The following MS4A4A variants were observed in gnomAD, a reference collection of about 807,000 sequenced individuals.
MS4A4A encodes membrane-spanning 4-domains subfamily A member 4A.
MS4A4A carries 26 observed loss-of-function variants against 28.0 expected under a neutral mutation model. The ratio of observed to expected loss-of-function variants is 0.93; its 90% CI spans 0.68 to 1.29. MS4A4A has a LOEUF of 1.29. MS4A4A is among the 50% of genes most tolerant of loss of function. The pLI is 0.00. For synonymous variants in MS4A4A, 86 were observed against 100.8 expected (o/e 0.85, Z 0.88); for missense variants, 290 against 293.1 (o/e 0.99, Z 0.08).
Position 60,301,022 on chromosome 11 carries a change from T to C in MS4A4A, c.352T>C (p.Ser118Pro), listed in dbSNP as rs774331114. ...SVMFIISGSL[S>P]IAAGIRTTKG... is the part of the protein sequence containing the mutation. ...TTAGTTTATTATTTCAGGATCCTTGTCAATTGCAGCAGGAATTAGAACTAC... is the reference window on the plus strand; with the variant it reads ...TTAGTTTATTATTTCAGGATCCTTGCCAATTGCAGCAGGAATTAGAACTAC... The change falls in exon 4 of 7, where the codon TCA becomes CCA. Residue 118 changes from serine to proline, a missense_variant. Coordinates refer to ENST00000337908, the MANE Select transcript of MS4A4A (RefSeq NM_148975.3). The C allele has an allele frequency of 6.9e-6, 11 of 1,604,018 alleles. No individual in the cohort carries two copies. The highest frequency in any genetic ancestry group is 1.1e-5 in the South Asian group (1 of 88,768).
intron 3 of MS4A4A, among the ~76,000 whole-genome samples, chr11:60,300,740 T>C (rs1213593106): frequency 1.3e-5 from 2 of 152,046 alleles, no homozygotes; most frequent in Non-Finnish European, 2.9e-5. Context: ...GTTTGGAAAC[T>C]ATCTTTTAGT....
chr11:60,294,741 G>A (rs1397528778), intron 2 of MS4A4A, among the ~76,000 whole-genome samples: 4 of 151,740 alleles, frequency 2.6e-5, no homozygotes. Flanking sequence ...CATTACCAAA[G>A]ATCACTTGAC....
chr11:60,303,038 C>G (rs2084966945), intron 5 of MS4A4A, among the ~76,000 whole-genome samples: 1 of 152,024 alleles, frequency 6.6e-6, no homozygotes, highest in African/African-American at 2.4e-5. Flanking sequence ...ACTGTTATCC[C>G]CTCTAAAAAT....
Position 60,292,346 on chromosome 11 carries a change from C to A in MS4A4A, c.163C>A (p.Gln55Lys). The part of the protein sequence containing the change: ...VIHSHLWKGL[Q>K]EKFLKGEPKV... ...ACATTCACATCTGTGGAAAGGATTG[C>A]AAGAGAAGTTCTTGAAGGGAGAACC... Residue 55 changes from glutamine to lysine, a missense_variant, in exon 2 of 7, where the codon CAA becomes AAA. Coordinates refer to ENST00000337908, the MANE Select transcript of MS4A4A (RefSeq NM_148975.3). The A allele has an allele frequency of 6.2e-7, 1 of 1,606,418 alleles. No homozygotes were observed. Among genetic ancestry groups the A allele is most frequent in the Non-Finnish European group, 8.5e-7 (1 of 1,177,018 alleles).
intron 2 of MS4A4A, among the ~76,000 whole-genome samples, chr11:60,295,854 C>T (rs1247327478): frequency 6.6e-6 from 1 of 151,994 alleles, no homozygotes; most frequent in Non-Finnish European, 1.5e-5. Flanking sequence ...GGTCATGGTA[C>T]ACAATTTTTT....
At chr11:60,297,863 C>A (rs146207710) in intron 3 of MS4A4A, among the ~76,000 whole-genome samples, 32 of 152,212 alleles carry the variant, frequency 2.1e-4, no homozygotes, top group Non-Finnish European at 4.3e-4. Context: ...TCATGAGAAA[C>A]TGAACAAAAT....
chr11:60,291,795 T>G (rs1590753904), intron 1 of MS4A4A, among the ~76,000 whole-genome samples: 1 of 38,408 alleles, frequency 2.6e-5, no homozygotes, highest in African/African-American at 9.6e-5. Flanking sequence ...AGACTCCATC[T>G]CAAAAAAAAA....
intron 2 of MS4A4A, among the ~76,000 whole-genome samples, chr11:60,294,249 A>G (rs1373099070): frequency 1.3e-5 from 2 of 152,096 alleles, no homozygotes; most frequent in Admixed American, 1.3e-4. Context: ...TACCATCTCT[A>G]TATCTTCTTT....
intron 1 of MS4A4A, among the ~76,000 whole-genome samples, chr11:60,283,930 G>A (rs2084779692): frequency 6.6e-6 from 1 of 152,256 alleles, no homozygotes; most frequent in African/African-American, 2.4e-5. Context: ...GCAAGAGGAA[G>A]ACAAGGGCCT....
At chr11:60,307,839 T>C (rs953912513) in intron 6 of MS4A4A, among the ~76,000 whole-genome samples, 3 of 152,194 alleles carry the variant, frequency 2.0e-5, no homozygotes, top group Non-Finnish European at 4.4e-5. Flanking sequence ...CCCAACGTAC[T>C]GTGCACTGTC....
At chr11:60,303,052 G>A (rs2135031601) in intron 5 of MS4A4A, among the ~76,000 whole-genome samples, 1 of 152,226 alleles carries the variant, frequency 6.6e-6, no homozygotes, top group African/African-American at 2.4e-5. Flanking sequence ...TAAAAATGGG[G>A]CCCTGATGTC....
chr11:60,295,419 C>T (rs2084897310), intron 2 of MS4A4A, among the ~76,000 whole-genome samples: 1 of 152,040 alleles, frequency 6.6e-6, no homozygotes, highest in Non-Finnish European at 1.5e-5. Context: ...TCTACACAGA[C>T]ATCATGTCGT....
At chr11:60,296,280 T>C (rs1298425341) in intron 2 of MS4A4A, among the ~76,000 whole-genome samples, 1 of 152,074 alleles carries the variant, frequency 6.6e-6, no homozygotes, top group Non-Finnish European at 1.5e-5. Context: ...CATTATTTTA[T>C]TATCCTTTTA....
chr11:60,303,429 A>G (rs2084970457), intron 5 of MS4A4A, among the ~76,000 whole-genome samples: 1 of 152,080 alleles, frequency 6.6e-6, no homozygotes, highest in Non-Finnish European at 1.5e-5. Context: ...AAAGCCTGGC[A>G]GGGCGCAGTG....
intron 1 of MS4A4A, among the ~76,000 whole-genome samples, chr11:60,289,503 C>G (rs528112307): frequency 6.6e-6 from 1 of 151,976 alleles, no homozygotes; most frequent in Admixed American, 6.6e-5. Flanking sequence ...TCTGCTACTC[C>G]TTTGCTGTTT....
At chr11:60,305,130 G>A (rs2084986585) in intron 5 of MS4A4A, among the ~76,000 whole-genome samples, 1 of 152,198 alleles carries the variant, frequency 6.6e-6, no homozygotes, top group Non-Finnish European at 1.5e-5. Flanking sequence ...ATAGAAATAA[G>A]TGTACTGCCC....
chr11:60,299,004 A>G (rs1272411784), intron 3 of MS4A4A, among the ~76,000 whole-genome samples: 2 of 152,246 alleles, frequency 1.3e-5, no homozygotes, highest in South Asian at 4.1e-4. Flanking sequence ...GTTTCTGTAT[A>G]TGTTTCACAT....
Position 60,280,736 on chromosome 11 carries a change from T to C in MS4A4A, c.41+20T>C, listed in dbSNP as rs1419956494. 2 of 1,613,114 alleles carry C rather than the reference T, an allele frequency of 1.2e-6. No individual in the cohort carries two copies. The highest frequency in any genetic ancestry group is 1.7e-5 in the Admixed American group (1 of 59,900). On this transcript the variant is annotated intron_variant, in intron 1 of 6. Transcript: ENST00000337908. ...AGAAAGGTAGGTCCAGGGACTTGCC[T>C]TCCTAGGCTTTCGGGCTGATGGCTT... is the stretch of plus-strand genomic sequence containing the variant.
At chr11:60,301,081 G>A in intron 4 of MS4A4A, 24 bp downstream of exon 4, 1 of 1,530,936 alleles carries the variant, frequency 6.5e-7, no homozygotes, top group Non-Finnish European at 8.8e-7. Flanking sequence ...TCTTTTTTTG[G>A]TATCAAAAAA....
Sources: allele counts gnomAD v4.1 joint callset (sites outside exome capture counted in the v4.1 genomes callset), GRCh38; gene constraint gnomAD v4.1.1; transcripts MANE v1.5; gene names NCBI Gene and HGNC (gene_info 2026-07-23, HGNC 2026-07-21).